Variants in NDUFAF2 observed in about 807,000 individuals in gnomAD.
The protein encoded by NDUFAF2 is NADH:ubiquinone oxidoreductase complex assembly factor 2.
A neutral mutation model predicts 22.8 loss-of-function variants in NDUFAF2; 13 were observed. That is an observed-to-expected ratio of 0.57 (90% CI 0.37 to 0.91). The LOEUF (loss-of-function observed/expected upper bound fraction) is 0.91. Among genes scored for constraint, NDUFAF2 ranks in the 40% least tolerant of loss-of-function variants. NDUFAF2 has a pLI of 0.01. For synonymous variants in NDUFAF2, 53 were observed against 64.2 expected (o/e 0.83, Z 0.84); for missense variants, 162 against 195.2 (o/e 0.83, Z 1.01).
chr5:61,113,050 A>G (rs1752865607), intron 3 of NDUFAF2, among the ~76,000 whole-genome samples: 1 of 152,016 alleles, frequency 6.6e-6, no homozygotes, highest in South Asian at 2.1e-4. Context: ...ACACTTTAAC[A>G]TGTCCCCTCT....
chr5:61,031,581 A>G (rs189038597), intron 1 of NDUFAF2, among the ~76,000 whole-genome samples: 40 of 152,186 alleles, frequency 2.6e-4, no homozygotes, highest in Admixed American at 1.6e-3. Context: ...ATAGTATTCC[A>G]TGATATATAA....
chr5:60,967,856 G>T (rs950016196), intron 1 of NDUFAF2, among the ~76,000 whole-genome samples: 18 of 150,366 alleles, frequency 1.2e-4, no homozygotes, highest in Non-Finnish European at 1.5e-5. Context: ...CTGGCATTAT[G>T]AAATGAGCTT....
At chr5:60,994,749 TTC>T (rs1440920454) in intron 1 of NDUFAF2, among the ~76,000 whole-genome samples, 1 of 152,252 alleles carries the variant, frequency 6.6e-6, no homozygotes. Context: ...GTTTGAGTAG[TTC>T]TCTGTTGTTA....
intron 1 of NDUFAF2, among the ~76,000 whole-genome samples, chr5:60,973,444 G>GA (rs1750862493): frequency 1.3e-5 from 2 of 151,800 alleles, no homozygotes; most frequent in South Asian, 2.1e-4. Flanking sequence ...TTCACAAAGG[G>GA]AAAAAAATAT....
chr5:61,004,037 T>C (rs973318608), intron 1 of NDUFAF2, among the ~76,000 whole-genome samples: 1 of 151,952 alleles, frequency 6.6e-6, no homozygotes, highest in Admixed American at 6.6e-5. Context: ...AAACATTGCA[T>C]GATAGTTTAC....
At chr5:60,954,214 A>G (rs1417627706) in intron 1 of NDUFAF2, among the ~76,000 whole-genome samples, 2 of 152,290 alleles carry the variant, frequency 1.3e-5, no homozygotes, top group East Asian at 3.9e-4. Flanking sequence ...GCTAGGTGTG[A>G]GAATTCTGCC....
intron 1 of NDUFAF2, among the ~76,000 whole-genome samples, chr5:60,984,782 T>C (rs1419113999): frequency 1.3e-5 from 2 of 152,254 alleles, no homozygotes; most frequent in African/African-American, 4.8e-5. Context: ...GATGTGCTGC[T>C]GGATTCGGTT....
intron 2 of NDUFAF2, among the ~76,000 whole-genome samples, chr5:61,093,891 C>T (rs1416746374): frequency 2.0e-5 from 3 of 152,062 alleles, no homozygotes; most frequent in Non-Finnish European, 2.9e-5. Flanking sequence ...CTGTCTGGTC[C>T]TGGGCTTTTT....
At chr5:61,145,195 C>G (rs1741121181) in intron 3 of NDUFAF2, among the ~76,000 whole-genome samples, 1 of 152,126 alleles carries the variant, frequency 6.6e-6, no homozygotes, top group African/African-American at 2.4e-5. Context: ...ACCAAAAGGG[C>G]TCTTAACCAG....
chr5:61,085,425 A>T (rs1752494393), intron 2 of NDUFAF2, among the ~76,000 whole-genome samples: 1 of 152,176 alleles, frequency 6.6e-6, no homozygotes, highest in Admixed American at 6.6e-5. Flanking sequence ...GGGGGAAAAA[A>T]ACCTACAGTT....
intron 3 of NDUFAF2, among the ~76,000 whole-genome samples, chr5:61,144,488 A>ATTCCTAAG (rs1561139076): frequency 6.6e-6 from 1 of 152,180 alleles, no homozygotes; most frequent in African/African-American, 2.4e-5. Flanking sequence ...TTCCTAAAAA[A>ATTCCTAAG]TATTTTGTAT....
At chr5:61,039,888 A>C (rs1409027934) in intron 1 of NDUFAF2, among the ~76,000 whole-genome samples, 1 of 152,156 alleles carries the variant, frequency 6.6e-6, no homozygotes, top group Non-Finnish European at 1.5e-5. Flanking sequence ...CTAAATTTTG[A>C]GGAGCCATTA....
At chr5:61,013,665 A>G (rs1751469861) in intron 1 of NDUFAF2, among the ~76,000 whole-genome samples, 2 of 150,498 alleles carry the variant, frequency 1.3e-5, no homozygotes, top group South Asian at 4.2e-4. Flanking sequence ...GACTCAGCCA[A>G]GATATCTTTT....
intron 1 of NDUFAF2, among the ~76,000 whole-genome samples, chr5:61,070,811 T>A (rs1004849260): frequency 6.6e-6 from 1 of 152,182 alleles, no homozygotes; most frequent in African/African-American, 2.4e-5. Context: ...CCTCTCCCCA[T>A]GTGCTAAACT....
At position 60,957,773 on chromosome 5, in the gene NDUFAF2, G is replaced by GT. The variant is rs1288288123; in HGVS notation, c.127+12392dup. Among the ~76,000 whole-genome samples the GT allele has an allele frequency of 3.9e-5, 6 of 152,322 alleles. No homozygotes were observed. The South Asian group carries it at 1.2e-3, about 32-fold the overall frequency. On this transcript the variant is annotated intron_variant, in intron 1 of 3. Transcript: ENST00000296597. ...GCTAGTGGGAATCTGAAGACTGTCA[G>GT]TATCAGGTGAAAGTTGTAGTTGCCT...
chr5:61,075,007 T>C (rs1484521803), intron 2 of NDUFAF2, among the ~76,000 whole-genome samples: 1 of 152,032 alleles, frequency 6.6e-6, no homozygotes, highest in Admixed American at 6.5e-5. Context: ...AAGAACAGCA[T>C]GGGGAAACCG....
chr5:61,112,888 C>CTTT (rs35786013), intron 3 of NDUFAF2, among the ~76,000 whole-genome samples: 33 of 141,154 alleles, frequency 2.3e-4, no homozygotes, highest in Middle Eastern at 3.6e-3. Flanking sequence ...TTAGTTTATT[C>CTTT]TTTTTTTTTT....
chr5:61,094,133 A>G (rs1752606126), intron 2 of NDUFAF2, among the ~76,000 whole-genome samples: 1 of 152,108 alleles, frequency 6.6e-6, no homozygotes, highest in African/African-American at 2.4e-5. Flanking sequence ...AATCAATCAG[A>G]TTTGGTGTGT....
At chr5:61,079,433 T>A (rs1752412272) in intron 2 of NDUFAF2, among the ~76,000 whole-genome samples, 1 of 152,200 alleles carries the variant, frequency 6.6e-6, no homozygotes, top group African/African-American at 2.4e-5. Flanking sequence ...CCTCCTATTT[T>A]TCATCTATAA....
Sources: gnomAD v4.1 joint callset for allele counts (sites outside exome capture counted in the v4.1 genomes callset) on GRCh38, gnomAD v4.1.1 for gene constraint, MANE v1.5 for transcripts, NCBI Gene and HGNC (gene_info 2026-07-23, HGNC 2026-07-21) for gene names.